Variants in IBTK observed in about 807,000 individuals in gnomAD.
The protein encoded by IBTK is inhibitor of Bruton tyrosine kinase, also known as BTK-binding protein.
In IBTK, 83 loss-of-function variants were observed where a neutral mutation model predicts 154.9. The ratio of observed to expected loss-of-function variants is 0.54; its 90% confidence interval spans 0.45 to 0.64. IBTK has a LOEUF of 0.64. Among genes scored for constraint, IBTK ranks in the 30% least tolerant of loss-of-function variants. The pLI is 0.00. For missense variants in IBTK, 1,332 were observed against 1,584.6 expected (o/e 0.84, Z 2.71); for synonymous variants, 515 against 536.1 (o/e 0.96, Z 0.54).
At chr6:82,221,268 G>A (rs764700906) in intron 8 of IBTK, among the ~76,000 whole-genome samples, 1 of 152,136 alleles carries the variant, frequency 6.6e-6, no homozygotes, top group Non-Finnish European at 1.5e-5. Flanking sequence ...AGGTTGCAGT[G>A]AGCAGAGATC....
At chr6:82,217,306 C>T (rs571022196) in intron 10 of IBTK, among the ~76,000 whole-genome samples, 1 of 152,222 alleles carries the variant, frequency 6.6e-6, no homozygotes, top group East Asian at 1.9e-4. Context: ...CTATTTTAGT[C>T]TTATGAGGCT....
At chr6:82,208,583 A>AT (rs1366399699) in intron 16 of IBTK, among the ~76,000 whole-genome samples, 5 of 151,948 alleles carry the variant, frequency 3.3e-5, no homozygotes, top group African/African-American at 1.2e-4. Context: ...CTCTAAAAAA[A>AT]TTTTTACAAA....
chr6:82,214,042 G>A (rs796804463), intron 12 of IBTK, among the ~76,000 whole-genome samples, 185 bp downstream of exon 12: 4 of 151,734 alleles, frequency 2.6e-5, no homozygotes, highest in Non-Finnish European at 4.4e-5. Flanking sequence ...TGCAAGCTCC[G>A]CCTCCCGGGT....
intron 26 of IBTK, among the ~76,000 whole-genome samples, chr6:82,178,849 A>C (rs564362106): frequency 6.6e-6 from 1 of 152,360 alleles, no homozygotes; most frequent in African/African-American, 2.4e-5. Flanking sequence ...GGAGGTGGAA[A>C]GAAGGAAAGT....
intron 22 of IBTK, among the ~76,000 whole-genome samples, chr6:82,195,278 A>T (rs554419439): frequency 3.6e-4 from 55 of 152,030 alleles, no homozygotes; most frequent in Admixed American, 1.7e-3. Context: ...CCTATATTTT[A>T]AAAAAAATCA....
intron 19 of IBTK, among the ~76,000 whole-genome samples, 184 bp from the exon 20 acceptor site, chr6:82,200,892 C>T (rs1328501132): frequency 1.3e-5 from 2 of 151,404 alleles, no homozygotes; most frequent in African/African-American, 2.4e-5. Flanking sequence ...TAAGCCACCA[C>T]ACCCAGCCTA....
chr6:82,190,379 G>C (rs926583828), intron 25 of IBTK, among the ~76,000 whole-genome samples: 1 of 152,124 alleles, frequency 6.6e-6, no homozygotes, highest in African/African-American at 2.4e-5. Flanking sequence ...TGATTTCTTC[G>C]TAAGGCTTCA....
At chr6:82,192,148 T>C (rs1418221403) in intron 23 of IBTK, among the ~76,000 whole-genome samples, 78 of 152,222 alleles carry the variant, frequency 5.1e-4, no homozygotes, top group Non-Finnish European at 3.4e-4. Context: ...GTCATAATGT[T>C]GTGATATAAC....
chr6:82,244,377 GC>G (rs1771065980), intron 1 of IBTK, among the ~76,000 whole-genome samples: 1 of 152,032 alleles, frequency 6.6e-6, no homozygotes, highest in Admixed American at 6.6e-5. Flanking sequence ...ATTCTTACTT[GC>G]CTTCCCTGCT....
chr6:82,200,499 C>CAT (rs1462926310), intron 20 of IBTK, 88 bp downstream of exon 20: 24 of 1,177,408 alleles, frequency 2.0e-5, no homozygotes, highest in Non-Finnish European at 2.4e-5. Context: ...ACAAAAGTGT[C>CAT]ATATGTCCAA....
intron 24 of IBTK, 109 bp from the exon 25 acceptor site, chr6:82,191,325 A>G (rs1768761022): frequency 6.1e-6 from 5 of 820,254 alleles, no homozygotes; most frequent in Non-Finnish European, 9.6e-6. Context: ...CTGCTTAATA[A>G]AGGTTACTGG....
intron 8 of IBTK, among the ~76,000 whole-genome samples, chr6:82,221,399 A>G (rs558856972): frequency 7.0e-4 from 107 of 152,352 alleles, no homozygotes; most frequent in Admixed American, 3.5e-3. Flanking sequence ...TTAACAGAAA[A>G]GACAAATTTT....
intron 2 of IBTK, among the ~76,000 whole-genome samples, chr6:82,237,661 GGTAGTA>G (rs34696525): frequency 6.3e-5 from 9 of 143,674 alleles, no homozygotes; most frequent in Non-Finnish European, 1.2e-4. Context: ...AGATAGTAGT[GGTAGTA>G]GTAGTAGTAG....
At chr6:82,247,496 T>C (rs1381373622) in intron 1 of IBTK, 66 bp downstream of exon 1, 3 of 397,594 alleles carry the variant, frequency 7.5e-6, no homozygotes, top group Non-Finnish European at 1.3e-5. Context: ...GCGAATACTC[T>C]CCCCCTGCCC....
chr6:82,217,746 G>T (rs563216800), intron 10 of IBTK, among the ~76,000 whole-genome samples: 47 of 152,232 alleles, frequency 3.1e-4, no homozygotes, highest in African/African-American at 1.1e-3. Context: ...AATGCGCCAG[G>T]AAATATGCCA....
intron 1 of IBTK, among the ~76,000 whole-genome samples, chr6:82,246,441 C>CT (rs1554189129): frequency 0.018 from 2,023 of 111,624 alleles, 93 homozygotes; most frequent in African/African-American, 0.045. Context: ...TTACAGGCAT[C>CT]TTTTTTTTTT....
In IBTK at chr6:82,194,547, A is replaced by G; in HGVS notation, c.3270T>C (p.Ala1090=). The G allele has an allele frequency of 6.2e-7, 1 of 1,611,656 alleles. No individual in the cohort carries two copies. Among genetic ancestry groups the G allele is most frequent in the East Asian group, 2.2e-5 (1 of 44,706 alleles). Residue 1090 remains alanine, a synonymous_variant, in exon 23 of 29, where the codon GCT becomes GCC. Transcript: ENST00000306270. ...WEKSPILKIS[A]PQPIPSNRID... is the part of the protein sequence containing the mutation. ...TTCTGTTACTGGGAATAGGCTGTGG[A>G]GCAGATATTTTAAGTATTGGTGACT...
rs1410983526 is a variant in IBTK, at chr6:82,214,383, A to G, written c.2048T>C (p.Phe683Ser). 10 of 1,614,096 alleles carry G rather than the reference A, an allele frequency of 6.2e-6. No individual in the cohort carries two copies. The East Asian group carries it at 2.0e-4, about 32-fold the overall frequency. ...FHEDDNQKSA[F>S]EVYKSNQAQT... ...AGCTTGATTACTTTTGTAAACTTCA[A>G]ATGCAGACTTCTGGTTATCATCTTC... The change falls in exon 12 of 29, where the codon TTT becomes TCT. Residue 683 changes from phenylalanine (F) to serine (S), a missense_variant. This residue lies in a region of IBTK where 1,134 missense variants were observed against 1,274.7 expected (regional missense o/e 0.89). Transcript: ENST00000306270.
chr6:82,191,438 C>A (rs1226869373), intron 24 of IBTK: 2 of 564,038 alleles, frequency 3.5e-6, no homozygotes. Flanking sequence ...TAACAATGAT[C>A]AAGTAATAGC....
Sources: allele counts gnomAD v4.1 joint callset (sites outside exome capture counted in the v4.1 genomes callset), GRCh38; gene constraint gnomAD v4.1.1; regional missense constraint gnomAD v4.1.1; transcripts MANE v1.5; gene names NCBI Gene and HGNC (gene_info 2026-07-23, HGNC 2026-07-21).